FMN1: variants seen among roughly 807,000 people sequenced by gnomAD.
FMN1 encodes formin 1, also known as formin-1.
A neutral mutation model predicts 132.4 loss-of-function variants in FMN1; 110 were observed. The observed-to-expected ratio is 0.83, with a 90% CI of 0.71 to 0.97. The LOEUF (loss-of-function observed/expected upper bound fraction) is 0.97, where lower values mean the gene tolerates loss of function less well. FMN1 is among the 50% of genes least tolerant of loss of function. The pLI, the probability that FMN1 is intolerant of heterozygous loss-of-function variation, is 0.00. For synonymous variants in FMN1, 722 were observed against 651.7 expected (o/e 1.11, Z -1.64); for missense variants, 1,792 against 1,705.3 (o/e 1.05, Z -0.90).
chr15:32,800,236 A>G (rs2057431975), intron 18 of FMN1, among the ~76,000 whole-genome samples: 2 of 152,234 alleles, frequency 1.3e-5, no homozygotes, highest in East Asian at 3.8e-4. Context: ...GTAAAGAATA[A>G]ATCTGTTTTT....
rs929220799 is a variant in FMN1, at chr15:32,765,661, T to A, written c.*8649A>T. 4 of 152,122 alleles carry A rather than the reference T, an allele frequency of 2.6e-5. 1 individual carries two copies. Among genetic ancestry groups the A allele is most frequent in the African/African-American group, 4.8e-5 (2 of 41,424 alleles). 9.4% of individuals were successfully genotyped at this position (152,122 alleles called of 1,614,324 possible). A position where few individuals can be genotyped will look rare whatever the true frequency, so the allele number is the denominator to read the frequency against. ...TTCTCTTAAAACAAATTAACAGAGG[T>A]ATCAACAGATTAGGATAAATATAAT... On this transcript the variant is annotated 3_prime_UTR_variant, in exon 21 of 21. Coordinates refer to ENST00000616417, the MANE Select transcript of FMN1 (RefSeq NM_001277313.2).
At chr15:33,128,658 C>T (rs1394348845) in intron 4 of FMN1, among the ~76,000 whole-genome samples, 2 of 152,188 alleles carry the variant, frequency 1.3e-5, no homozygotes, top group Non-Finnish European at 2.9e-5. Context: ...CGTCCGGATG[C>T]TCCGGTGAGT....
intron 7 of FMN1, among the ~76,000 whole-genome samples, chr15:33,002,159 A>G (rs958164100): frequency 6.6e-6 from 1 of 152,250 alleles, no homozygotes; most frequent in South Asian, 2.1e-4. Flanking sequence ...CAATTCTTGT[A>G]CATGGTGACA....
At chr15:32,898,445 T>C (rs149512151) in intron 15 of FMN1, among the ~76,000 whole-genome samples, 5 of 152,324 alleles carry the variant, frequency 3.3e-5, no homozygotes, top group African/African-American at 9.6e-5. Flanking sequence ...TCATTACTGA[T>C]AAAATATTGG....
At chr15:33,064,749 T>A in intron 6 of FMN1, 1 of 383,874 alleles carries the variant, frequency 2.6e-6, no homozygotes, top group Non-Finnish European at 4.7e-6. Flanking sequence ...CTTTCATTCA[T>A]TCCACTGCAT....
chr15:32,981,543 A>AATAATAATAATAATAATAATAATT (rs574939662), intron 7 of FMN1, among the ~76,000 whole-genome samples: 1 of 138,402 alleles, frequency 7.2e-6, no homozygotes. Context: ...TAATAATAAT[A>AATAATAATAATAATAATAATAATT]ATTATTATTA....
intron 9 of FMN1, among the ~76,000 whole-genome samples, chr15:32,939,544 T>C (rs1439288376): frequency 6.6e-6 from 1 of 152,230 alleles, no homozygotes; most frequent in Non-Finnish European, 1.5e-5. Context: ...CAGAACGTAA[T>C]TTATGTTGAA....
At chr15:33,194,379 C>G (rs555792834) in intron 1 of FMN1, among the ~76,000 whole-genome samples, 199 bp downstream of exon 1, 2 of 151,224 alleles carry the variant, frequency 1.3e-5, no homozygotes, top group Non-Finnish European at 2.9e-5. Context: ...GGAGGGCCCA[C>G]CAACGTACTT....
intron 17 of FMN1, among the ~76,000 whole-genome samples, chr15:32,807,342 T>C (rs1438481272): frequency 6.6e-6 from 1 of 152,222 alleles, no homozygotes; most frequent in Non-Finnish European, 1.5e-5. Flanking sequence ...TGTCCCCCCA[T>C]ACTCTTGGCA....
intron 19 of FMN1, among the ~76,000 whole-genome samples, chr15:32,788,174 T>A (rs1191560853): frequency 1.3e-5 from 2 of 152,220 alleles, no homozygotes; most frequent in African/African-American, 4.8e-5. Flanking sequence ...GGACTTGCCC[T>A]GGAATGCATG....
intron 7 of FMN1, among the ~76,000 whole-genome samples, chr15:33,006,576 A>C (rs753320998): frequency 6.6e-6 from 1 of 152,206 alleles, no homozygotes; most frequent in Non-Finnish European, 1.5e-5. Context: ...TGTTGAAGAG[A>C]TATCTACACT....
intron 7 of FMN1, among the ~76,000 whole-genome samples, chr15:32,995,450 G>A (rs915004753): frequency 6.6e-6 from 1 of 152,108 alleles, no homozygotes; most frequent in Non-Finnish European, 1.5e-5. Context: ...AGCCTTTATG[G>A]TATAAATTCT....
At chr15:33,180,682 T>A (rs779443227) in intron 2 of FMN1, among the ~76,000 whole-genome samples, 10 of 150,966 alleles carry the variant, frequency 6.6e-5, no homozygotes, top group Non-Finnish European at 1.2e-4. Flanking sequence ...AAAACAAATC[T>A]GGCCACATCG....
chr15:32,988,751 G>A (rs1160694747), intron 7 of FMN1, among the ~76,000 whole-genome samples: 1 of 139,792 alleles, frequency 7.2e-6, no homozygotes, highest in Non-Finnish European at 1.5e-5. Flanking sequence ...TTGTTGTTGT[G>A]ATCATGTCAC....
intron 17 of FMN1, chr15:32,810,967 G>A: frequency 2.2e-6 from 1 of 456,214 alleles, no homozygotes; most frequent in South Asian, 1.5e-5. Context: ...CAAAGGGACT[G>A]CGCTCTGCTT....
At chr15:32,924,665 A>G (rs949977377) in intron 10 of FMN1, among the ~76,000 whole-genome samples, 2 of 152,256 alleles carry the variant, frequency 1.3e-5, no homozygotes, top group African/African-American at 4.8e-5. Context: ...CACGCCTGTA[A>G]TCCCAGCACT....
chr15:32,843,604 T>C (rs1240701712), intron 17 of FMN1, among the ~76,000 whole-genome samples: 1 of 152,196 alleles, frequency 6.6e-6, no homozygotes, highest in Non-Finnish European at 1.5e-5. Flanking sequence ...TCCCCTAGAA[T>C]TACTATATTA....
chr15:32,921,978 C>T (rs1373176079), intron 10 of FMN1, among the ~76,000 whole-genome samples: 1 of 152,168 alleles, frequency 6.6e-6, no homozygotes, highest in Middle Eastern at 3.2e-3. Flanking sequence ...GTTTCATGCT[C>T]TTTCCTCAAT....
intron 17 of FMN1, among the ~76,000 whole-genome samples, chr15:32,818,115 A>G (rs559238710): frequency 9.8e-5 from 15 of 152,316 alleles, no homozygotes; most frequent in South Asian, 4.1e-4. Flanking sequence ...ATAAATGTAT[A>G]TATTTATAAT....
Sources: allele counts gnomAD v4.1 joint callset (sites outside exome capture counted in the v4.1 genomes callset), GRCh38; gene constraint gnomAD v4.1.1; transcripts MANE v1.5; gene names NCBI Gene and HGNC (gene_info 2026-07-23, HGNC 2026-07-21).